SIK3: variants seen among roughly 807,000 people sequenced by gnomAD.
SIK3 encodes SIK family kinase 3.
Under a neutral mutation model 144.2 loss-of-function variants are expected in SIK3, and 28 were observed. The ratio of observed to expected loss-of-function variants is 0.19; its 90% CI spans 0.14 to 0.27. The LOEUF (loss-of-function observed/expected upper bound fraction) is 0.27, where lower values mean the gene tolerates loss of function less well. Ranked by LOEUF, SIK3 falls within the 10% of genes least tolerant of loss-of-function variation. The probability of loss-of-function intolerance (pLI) is 1.00; values close to 1 mark genes in which losing one functional copy is unlikely to be tolerated. For synonymous variants in SIK3, 686 were observed against 676.3 expected, an observed-to-expected ratio of 1.01 and a Z score of -0.22; for missense variants, 1,319 against 1,776.0, an observed-to-expected ratio of 0.74 and a Z score of 4.62.
chr11:117,078,301 C>A (rs1451386637), intron 1 of SIK3, among the ~76,000 whole-genome samples: 1 of 152,024 alleles, frequency 6.6e-6, no homozygotes, highest in Non-Finnish European at 1.5e-5. Flanking sequence ...GTTATCTGAA[C>A]TTAATGCAAG....
At chr11:117,007,484 A>C (rs981157882) in intron 1 of SIK3, among the ~76,000 whole-genome samples, 1 of 152,250 alleles carries the variant, frequency 6.6e-6, no homozygotes, top group African/African-American at 2.4e-5. Flanking sequence ...ACTCCTCACC[A>C]ATTCAAAGCA....
chr11:116,974,640 C>G (rs1849065984), intron 1 of SIK3, among the ~76,000 whole-genome samples: 1 of 152,168 alleles, frequency 6.6e-6, no homozygotes, highest in Non-Finnish European at 1.5e-5. Context: ...TGTAAGTGAT[C>G]TGCCTTGGAC....
At chr11:117,091,853 G>C (rs916695978) in intron 1 of SIK3, among the ~76,000 whole-genome samples, 6 of 152,130 alleles carry the variant, frequency 3.9e-5, no homozygotes, top group Admixed American at 6.5e-5. Flanking sequence ...TGTGTCCATA[G>C]TTCACCACAG....
rs534385962 is a variant in SIK3 at position 117,084,496 on chromosome 11, C to T, written c.273+13647G>A. On this transcript the variant is annotated intron_variant, in intron 1 of 24. Coordinates refer to ENST00000445177, the MANE Select transcript of SIK3 (RefSeq NM_001366686.3). ...GGCCAGGCTGGTCTGGAACTCCTGA[C>T]CTCAGGTGATCCGCCTGCCTGGGCC... Among the ~76,000 whole-genome samples, 359 of 152,282 alleles carry T rather than the reference C, an allele frequency of 2.4e-3. 10 individuals are homozygous for T. The highest frequency in any genetic ancestry group is 0.022 in the Admixed American group (343 of 15,292).
At position 116,849,601 on chromosome 11, in the gene SIK3, G is replaced by C. The variant is rs1359806335; in HGVS notation, c.3656-318C>G. ...TATTCCCAAACCTAAATGCACATGA[G>C]AATTACTCTCGGAGCTTTCAGGACC... On this transcript the variant is annotated intron_variant, in intron 21 of 24. Coordinates refer to ENST00000445177, the MANE Select transcript of SIK3 (RefSeq NM_001366686.3). The surrounding 1 kb of genome is among the most constrained non-coding windows in gnomAD (Gnocchi z 4.2). Among the ~76,000 whole-genome samples the C allele has an allele frequency of 6.6e-6, 1 of 152,134 alleles. No homozygotes were observed. The highest frequency in any genetic ancestry group is 2.4e-5 in the African/African-American group (1 of 41,424).
chr11:117,020,867 G>A (rs537582207), intron 1 of SIK3, among the ~76,000 whole-genome samples: 8 of 152,276 alleles, frequency 5.3e-5, no homozygotes, highest in Non-Finnish European at 1.0e-4. Context: ...ACAATTTCAT[G>A]GAACCCAATA....
intron 7 of SIK3, 50 bp downstream of exon 7, chr11:116,876,874 G>T: frequency 6.9e-7 from 1 of 1,458,016 alleles, no homozygotes; most frequent in South Asian, 1.1e-5. Context: ...TGCAAAGGAG[G>T]CTGCAGCAGC....
intron 15 of SIK3, among the ~76,000 whole-genome samples, chr11:116,866,354 T>C (rs1157736212): frequency 6.6e-6 from 1 of 152,162 alleles, no homozygotes; most frequent in Non-Finnish European, 1.5e-5. Context: ...GTGTATTAGA[T>C]ACCAGTGTAG....
intron 1 of SIK3, among the ~76,000 whole-genome samples, chr11:117,096,887 A>G (rs1955498979): frequency 6.6e-6 from 1 of 152,190 alleles, no homozygotes; most frequent in South Asian, 2.1e-4. Context: ...TGAGGAGGTG[A>G]GGGGAATTGA....
chr11:117,012,879 T>C (rs1338913931), intron 1 of SIK3, among the ~76,000 whole-genome samples: 1 of 120,988 alleles, frequency 8.3e-6, no homozygotes, highest in Non-Finnish European at 1.6e-5. Context: ...TGAGACAGAG[T>C]CTCGCTCTGT....
chr11:116,917,822 A>AG (rs751065443), intron 4 of SIK3, among the ~76,000 whole-genome samples: 2,938 of 141,478 alleles, frequency 0.021, 52 homozygotes, highest in South Asian at 0.097. Context: ...AGAAGGAAGA[A>AG]GAAGGAAGGA....
chr11:117,055,335 T>A (rs529022972), intron 1 of SIK3, among the ~76,000 whole-genome samples: 5 of 152,248 alleles, frequency 3.3e-5, no homozygotes, highest in Non-Finnish European at 7.3e-5. Flanking sequence ...CATGAGACAC[T>A]ATTTTAAATG....
chr11:116,942,191 G>C (rs1285753614), intron 3 of SIK3, among the ~76,000 whole-genome samples: 1 of 152,042 alleles, frequency 6.6e-6, no homozygotes, highest in Non-Finnish European at 1.5e-5. Flanking sequence ...GCTTGACTTA[G>C]TTATATTTCA....
At chr11:117,048,789 A>G (rs1331226636) in intron 1 of SIK3, among the ~76,000 whole-genome samples, 1 of 152,020 alleles carries the variant, frequency 6.6e-6, no homozygotes, top group Non-Finnish European at 1.5e-5. Flanking sequence ...TAAGAGTGTC[A>G]GAACCCACGT....
intron 1 of SIK3, among the ~76,000 whole-genome samples, chr11:117,067,320 T>A (rs967385882): frequency 2.0e-5 from 3 of 152,126 alleles, no homozygotes; most frequent in Non-Finnish European, 4.4e-5. Context: ...TCTTGTTACA[T>A]CCATACAATG....
intron 1 of SIK3, among the ~76,000 whole-genome samples, chr11:116,982,314 A>G (rs1354588650): frequency 6.8e-6 from 1 of 146,238 alleles, no homozygotes; most frequent in Non-Finnish European, 1.5e-5. Flanking sequence ...TTTCAGACGG[A>G]GTCTCACTCT....
At chr11:116,970,149 T>C (rs945989177) in intron 1 of SIK3, among the ~76,000 whole-genome samples, 4 of 152,166 alleles carry the variant, frequency 2.6e-5, no homozygotes, top group Admixed American at 2.0e-4. Flanking sequence ...CATTAGCATG[T>C]GCCTGTGGTC....
rs1941790110 is a variant in SIK3 at position 116,844,629 on chromosome 11, A to AATATT, written c.*1013_*1014insAATAT. On this transcript the variant is annotated 3_prime_UTR_variant, in exon 25 of 25. Coordinates refer to ENST00000445177, the MANE Select transcript of SIK3 (RefSeq NM_001366686.3). ...TATATTATATATATAATATATATAT[A>AATATT]ATATATTATATTATATATTATATAT... 2 of 42,422 alleles carry AATATT rather than the reference A, an allele frequency of 4.7e-5. No homozygotes were observed. Among genetic ancestry groups the AATATT allele is most frequent in the African/African-American group, 2.3e-4 (1 of 4,348 alleles). The allele number at this position is 42,422 out of a possible 1,614,324, so 2.6% of individuals were successfully genotyped here. A position where few individuals can be genotyped will look rare whatever the true frequency, so the allele number is the denominator to read the frequency against.
In SIK3 at chr11:116,858,098, A is replaced by G. The variant is rs1018877008; in HGVS notation, c.3367T>C (p.Ser1123Pro). 2.5e-6 allele frequency: 4 copies of G among 1,614,020 alleles called. No homozygotes were observed. Among genetic ancestry groups the G allele is most frequent in the Non-Finnish European group, 3.4e-6 (4 of 1,179,962 alleles). ...IRAQECVSQASSPTPPHGYAH... is the reference protein window; with the variant it reads ...IRAQECVSQAPSPTPPHGYAH... ...TACCCGTGGGGCGGGGTGGGTGAGGAAGCCTGTGAGACACATTCTTGTGCC... is the reference window on the plus strand; with the variant it reads ...TACCCGTGGGGCGGGGTGGGTGAGGGAGCCTGTGAGACACATTCTTGTGCC... Residue 1123 changes from serine to proline, a missense_variant, in exon 21 of 25, where the codon TCC (serine) becomes CCC (proline). Around this residue, in one of 8 missense-constraint regions of SIK3, gnomAD observed 646 missense variants for 763.7 expected, o/e 0.85. Transcript: ENST00000445177. This position sits in a 1 kb window ranked among gnomAD's most constrained non-coding sequence, Gnocchi z 5.4.
Sources: gnomAD v4.1 joint callset for allele counts (sites outside exome capture counted in the v4.1 genomes callset) on GRCh38, gnomAD v4.1.1 for gene constraint, gnomAD v4.1.1 regional missense constraint, Gnocchi (gnomAD v3.1) non-coding constraint, MANE v1.5 for transcripts, NCBI Gene and HGNC (gene_info 2026-07-23, HGNC 2026-07-21) for gene names.